The following GALNTL6 variants were observed in gnomAD, a reference collection of about 807,000 sequenced individuals.
GALNTL6 encodes the protein polypeptide N-acetylgalactosaminyltransferase-like 6.
GALNTL6 carries 46 observed loss-of-function variants against 73.7 expected under a neutral mutation model. The observed-to-expected ratio is 0.62, with a 90% confidence interval of 0.49 to 0.80. The LOEUF (loss-of-function observed/expected upper bound fraction) is 0.80, where lower values mean the gene tolerates loss of function less well. Among genes scored for constraint, GALNTL6 ranks in the 30% least tolerant of loss-of-function variants. The pLI, the probability that GALNTL6 is intolerant of heterozygous loss-of-function variation, is 0.00. For missense variants in GALNTL6, 604 were observed against 755.0 expected, an observed-to-expected ratio of 0.80 and a Z score of 2.34; for synonymous variants, 259 against 263.7, an observed-to-expected ratio of 0.98 and a Z score of 0.17.
At chr4:172,467,831 TTTCTTTCTTTC>T (rs1732882662) in intron 5 of GALNTL6, among the ~76,000 whole-genome samples, 1 of 149,414 alleles carries the variant, frequency 6.7e-6, no homozygotes, top group East Asian at 1.9e-4. Flanking sequence ...TCTTTCTTTC[TTTCTTTCTTTC>T]TTTCTTTCTT....
chr4:172,836,892 C>A (rs1579547094), intron 7 of GALNTL6, among the ~76,000 whole-genome samples: 1 of 152,268 alleles, frequency 6.6e-6, no homozygotes, highest in South Asian at 2.1e-4. Context: ...GAGACACACA[C>A]CTCAGCCAAG....
chr4:171,850,359 G>A (rs1394842096), intron 2 of GALNTL6, among the ~76,000 whole-genome samples: 1 of 152,126 alleles, frequency 6.6e-6, no homozygotes, highest in Non-Finnish European at 1.5e-5. Flanking sequence ...ACCAGTCCAT[G>A]GTCAGCGATC....
chr4:171,910,209 C>T (rs1737433010), intron 2 of GALNTL6, among the ~76,000 whole-genome samples: 1 of 152,060 alleles, frequency 6.6e-6, no homozygotes, highest in South Asian at 2.1e-4. Context: ...GTTGTTTATC[C>T]TTCTCCCCTT....
chr4:172,689,097 G>A (rs1338443254), intron 5 of GALNTL6, among the ~76,000 whole-genome samples: 3 of 152,062 alleles, frequency 2.0e-5, no homozygotes, highest in African/African-American at 7.2e-5. Flanking sequence ...AGTTATATAT[G>A]CTTGTGTTAG....
intron 7 of GALNTL6, among the ~76,000 whole-genome samples, chr4:172,877,796 G>A (rs1269752032): frequency 2.6e-5 from 4 of 151,830 alleles, no homozygotes; most frequent in Admixed American, 1.3e-4. Flanking sequence ...GCATCTCATG[G>A]ATAACAGGTT....
At chr4:172,343,566 A>G (rs953172459) in intron 4 of GALNTL6, among the ~76,000 whole-genome samples, 16 of 152,180 alleles carry the variant, frequency 1.1e-4, no homozygotes, top group Admixed American at 6.5e-5. Flanking sequence ...AATAAAAAAG[A>G]TAAATTAGTG....
At chr4:171,931,190 A>G (rs967190445) in intron 2 of GALNTL6, among the ~76,000 whole-genome samples, 14 of 152,064 alleles carry the variant, frequency 9.2e-5, no homozygotes, top group Admixed American at 6.6e-4. Context: ...CATTAGTAGT[A>G]TTATTTTTAG....
chr4:172,802,262 A>T (rs1479424751), intron 5 of GALNTL6, among the ~76,000 whole-genome samples: 2 of 152,210 alleles, frequency 1.3e-5, no homozygotes, highest in Non-Finnish European at 2.9e-5. Flanking sequence ...TTAAATATTA[A>T]AGCTGAAAGA....
Position 172,606,618 on chromosome 4 carries a change from AGT to A in GALNTL6, c.554-202742_554-202741del, listed in dbSNP as rs1560832245. Reference sequence around the variant, plus strand: ...CACATATATACATATATACATATATAGTATATATATACTATATATATACTATA... The same window carrying A: ...CACATATATACATATATACATATATAATATATATACTATATATATACTATA... On this transcript the variant is annotated intron_variant, in intron 5 of 12. Transcript: ENST00000506823. Among the ~76,000 whole-genome samples the A allele has an allele frequency of 1.5e-4, 4 of 27,300 alleles. No individual in the cohort carries two copies. The East Asian group carries it at 8.1e-3, about 55-fold the overall frequency. 17.9% of individuals were successfully genotyped at this position (27,300 alleles called of 152,430 possible). A position where few individuals can be genotyped will look rare whatever the true frequency, so the allele number is the denominator to read the frequency against.
chr4:172,958,756 A>G (rs1749884948), intron 10 of GALNTL6, among the ~76,000 whole-genome samples: 1 of 152,172 alleles, frequency 6.6e-6, no homozygotes, highest in African/African-American at 2.4e-5. Context: ...CAGCCCAGGT[A>G]ATTTGCTGAG....
In GALNTL6 at chr4:172,666,672, C is replaced by A. The variant is rs1209354292; in HGVS notation, c.554-142689C>A. ...TTTAAAAAACTTTTGTCTTCCTTTA[C>A]CACCCTGAATGAGAACCTAGTTTAC... On this transcript the variant is annotated intron_variant, in intron 5 of 12. Coordinates refer to ENST00000506823, the MANE Select transcript of GALNTL6 (RefSeq NM_001034845.3). 3.9e-5 allele frequency: 6 copies of A among 152,142 alleles called. No homozygotes were observed. In the South Asian group the frequency reaches 1.2e-3, roughly 32 times the overall value. The allele number at this position is 152,142 out of a possible 1,614,324, so 9.4% of individuals were successfully genotyped here. A position where few individuals can be genotyped will look rare whatever the true frequency, so the allele number is the denominator to read the frequency against.
chr4:171,954,778 A>C (rs1263428187), intron 2 of GALNTL6, among the ~76,000 whole-genome samples: 1 of 151,828 alleles, frequency 6.6e-6, no homozygotes, highest in Non-Finnish European at 1.5e-5. Flanking sequence ...ATGGGTGTGA[A>C]CTTCCCCCTC....
intron 5 of GALNTL6, among the ~76,000 whole-genome samples, chr4:172,371,123 G>A (rs1407042513): frequency 1.3e-5 from 2 of 152,186 alleles, no homozygotes; most frequent in Non-Finnish European, 2.9e-5. Context: ...CGTTTGAGCA[G>A]ACCAATTATT....
chr4:172,238,797 G>A (rs537998665), intron 3 of GALNTL6, among the ~76,000 whole-genome samples: 75 of 152,100 alleles, frequency 4.9e-4, no homozygotes, highest in African/African-American at 1.7e-3. Flanking sequence ...TTTGTTGAGG[G>A]TTTTTAATAT....
intron 5 of GALNTL6, among the ~76,000 whole-genome samples, chr4:172,436,221 TA>T (rs1187129480): frequency 6.6e-6 from 1 of 152,130 alleles, no homozygotes; most frequent in Non-Finnish European, 1.5e-5. Context: ...TAGCACCTCT[TA>T]CCACTGCAAA....
At chr4:172,734,839 C>T (rs909354698) in intron 5 of GALNTL6, among the ~76,000 whole-genome samples, 11 of 152,192 alleles carry the variant, frequency 7.2e-5, no homozygotes, top group East Asian at 1.9e-4. Context: ...ATGGCTAAAA[C>T]GGGCCAAGGT....
Position 172,069,406 on chromosome 4 carries a change from C to T in GALNTL6, c.139-160250C>T, listed in dbSNP as rs1420309238. 2.1e-5 allele frequency among the ~76,000 whole-genome samples: 2 copies of T among 93,280 alleles called. 1 individual carries two copies. The highest frequency in any genetic ancestry group is 8.4e-5 in the African/African-American group (2 of 23,940). The allele number at this position is 93,280 out of a possible 152,430, so 61.2% of individuals were successfully genotyped here. Reference sequence around the variant, plus strand: ...GTGTGTACATATGTGTTATATATAACACATATATGTTATATATAACACACA... The same window carrying T: ...GTGTGTACATATGTGTTATATATAATACATATATGTTATATATAACACACA... On this transcript the variant is annotated intron_variant, in intron 2 of 12. Coordinates refer to ENST00000506823, the MANE Select transcript of GALNTL6 (RefSeq NM_001034845.3).
intron 5 of GALNTL6, among the ~76,000 whole-genome samples, chr4:172,628,959 G>A (rs975278556): frequency 8.6e-5 from 13 of 151,842 alleles, no homozygotes; most frequent in African/African-American, 2.9e-4. Context: ...GAGTGCACAC[G>A]ATAATTTTCC....
At chr4:172,111,376 G>A (rs1328715719) in intron 2 of GALNTL6, among the ~76,000 whole-genome samples, 1 of 151,830 alleles carries the variant, frequency 6.6e-6, no homozygotes, top group Non-Finnish European at 1.5e-5. Flanking sequence ...TTTGAAATCA[G>A]AATATTGTTT....
Sources: allele counts gnomAD v4.1 joint callset (sites outside exome capture counted in the v4.1 genomes callset), GRCh38; gene constraint gnomAD v4.1.1; transcripts MANE v1.5; gene names NCBI Gene and HGNC (gene_info 2026-07-23, HGNC 2026-07-21).